Variants in PTPRZ1 observed in about 807,000 individuals in gnomAD.
PTPRZ1 encodes protein tyrosine phosphatase receptor type Z1.
In PTPRZ1, 82 loss-of-function variants were observed where a neutral mutation model predicts 214.1. The observed-to-expected ratio is 0.38, with a 90% CI of 0.32 to 0.46. PTPRZ1 has a LOEUF of 0.46. Ranked by LOEUF, PTPRZ1 falls within the 20% of genes least tolerant of loss-of-function variation. The pLI is 1.00. For missense variants in PTPRZ1, 2,603 were observed against 2,748.7 expected, an observed-to-expected ratio of 0.95 and a Z score of 1.19; for synonymous variants, 945 against 987.9, an observed-to-expected ratio of 0.96 and a Z score of 0.81.
intron 23 of PTPRZ1, among the ~76,000 whole-genome samples, chr7:122,046,153 G>A (rs926526140): frequency 6.6e-6 from 1 of 152,174 alleles, no homozygotes; most frequent in Admixed American, 6.5e-5. Context: ...ACACAAACAG[G>A]CCAGGTGCAG....
intron 3 of PTPRZ1, among the ~76,000 whole-genome samples, chr7:121,970,372 G>A (rs1337730355): frequency 7.2e-5 from 11 of 152,242 alleles, no homozygotes; most frequent in Non-Finnish European, 1.5e-4. Flanking sequence ...CTGAGGAATC[G>A]CCACACTGTC....
chr7:121,882,796 T>A (rs1168673745), intron 1 of PTPRZ1, among the ~76,000 whole-genome samples: 44 of 152,120 alleles, frequency 2.9e-4, no homozygotes, highest in South Asian at 2.1e-4. Flanking sequence ...TATAGATCAT[T>A]TGGGATATAA....
At chr7:121,882,202 A>C (rs1794262115) in intron 1 of PTPRZ1, among the ~76,000 whole-genome samples, 1 of 152,212 alleles carries the variant, frequency 6.6e-6, no homozygotes, top group South Asian at 2.1e-4. Flanking sequence ...CCTTGGGATA[A>C]ATATTCCTCC....
In PTPRZ1 at chr7:122,004,170, A is replaced by C. The variant is rs550452002; in HGVS notation, c.1241-444A>C. Reference sequence around the variant, plus strand: ...TTAAGGAAGAGGTTGCTAAATAAGAAAATAAATTCTACCAATTCTCCAGAA... The same window carrying C: ...TTAAGGAAGAGGTTGCTAAATAAGACAATAAATTCTACCAATTCTCCAGAA... On this transcript the variant is annotated intron_variant, in intron 10 of 29. Transcript: ENST00000393386. 1.4e-4 allele frequency among the ~76,000 whole-genome samples: 21 copies of C among 152,310 alleles called. No individual in the cohort carries two copies. The South Asian group carries it at 3.7e-3, about 27-fold the overall frequency.
chr7:122,030,493 G>A (rs193213494), intron 14 of PTPRZ1, among the ~76,000 whole-genome samples: 1 of 152,064 alleles, frequency 6.6e-6, no homozygotes, highest in Admixed American at 6.6e-5. Flanking sequence ...TAAGTGTGAA[G>A]GTAGAATTAC....
At chr7:121,895,629 C>T (rs560462478) in intron 1 of PTPRZ1, among the ~76,000 whole-genome samples, 45 of 152,132 alleles carry the variant, frequency 3.0e-4, no homozygotes, top group Non-Finnish European at 6.0e-4. Context: ...TCTAGTGTTA[C>T]ACACTAGAAA....
In PTPRZ1 at chr7:122,054,012, G is replaced by T. The variant is rs1792271227; in HGVS notation, c.6355G>T (p.Val2119Phe). The change falls in exon 26 of 30, where the codon GTT becomes TTT. Residue 2119 changes from valine to phenylalanine, a missense_variant. Val to Phe is a conservative substitution (Grantham distance 50). Around this residue, in one of 6 missense-constraint regions of PTPRZ1, gnomAD observed 134 missense variants for 183.3 expected, o/e 0.73. Coordinates refer to ENST00000393386, the MANE Select transcript of PTPRZ1 (RefSeq NM_002851.3). ...MIWDHNAQLV[V>F]MIPDGQNMAE... ...ATGGGACCATAATGCCCAACTGGTG[G>T]TTATGATTCCTGATGGCCAAAACAT... 3 of 1,613,126 alleles carry T rather than the reference G, an allele frequency of 1.9e-6. No homozygotes were observed. The highest frequency in any genetic ancestry group is 2.5e-6 in the Non-Finnish European group (3 of 1,179,320).
chr7:121,956,163 G>C lies in PTPRZ1; in HGVS notation c.125-11788G>C, dbSNP rs1277630279. Among the ~76,000 whole-genome samples, 5 of 152,062 alleles carry C rather than the reference G, an allele frequency of 3.3e-5. No homozygotes were observed. In the East Asian group the frequency reaches 7.8e-4, roughly 24 times the overall value. ...AGGACTGCAACTACCCGTCCTCTCT[G>C]CTTGTCCATCAGGAATATTGACTTT... On this transcript the variant is annotated intron_variant, in intron 2 of 29. Coordinates refer to ENST00000393386, the MANE Select transcript of PTPRZ1 (RefSeq NM_002851.3).
intron 23 of PTPRZ1, among the ~76,000 whole-genome samples, chr7:122,051,107 C>T (rs1009400640): frequency 5.9e-5 from 9 of 151,982 alleles, no homozygotes; most frequent in African/African-American, 1.9e-4. Flanking sequence ...TACCTCCAAA[C>T]GTCTGTGTGA....
intron 1 of PTPRZ1, among the ~76,000 whole-genome samples, chr7:121,879,025 C>G (rs939254245): frequency 6.6e-6 from 1 of 152,138 alleles, no homozygotes; most frequent in African/African-American, 2.4e-5. Flanking sequence ...TTCTGGTACG[C>G]GAACTTCACT....
At chr7:122,039,638 A>G in intron 20 of PTPRZ1, 50 bp downstream of exon 20, 2 of 1,592,254 alleles carry the variant, frequency 1.3e-6, no homozygotes, top group East Asian at 2.2e-5. Context: ...GCATTTGGTC[A>G]TTTTTTAAGT....
At chr7:121,957,318 A>G (rs1584681223) in intron 2 of PTPRZ1, among the ~76,000 whole-genome samples, 1 of 151,712 alleles carries the variant, frequency 6.6e-6, no homozygotes, top group Non-Finnish European at 1.5e-5. Context: ...TCTCTTGGGC[A>G]TGGTGGCGGC....
intron 15 of PTPRZ1, among the ~76,000 whole-genome samples, chr7:122,032,423 A>T (rs1221401875): frequency 6.6e-6 from 1 of 152,198 alleles, no homozygotes; most frequent in Admixed American, 6.6e-5. Flanking sequence ...TTAAAAACTC[A>T]TGTCCTTTCC....
chr7:121,946,371 G>A (rs1218492921), intron 2 of PTPRZ1, among the ~76,000 whole-genome samples: 1 of 152,080 alleles, frequency 6.6e-6, no homozygotes, highest in Non-Finnish European at 1.5e-5. Flanking sequence ...AAGTCAGAGA[G>A]GGAATTCAAA....
intron 1 of PTPRZ1, chr7:121,908,358 CCTTTGGAAA>C: frequency 4.8e-6 from 1 of 209,042 alleles, no homozygotes; most frequent in South Asian, 5.6e-5. Flanking sequence ...TAGATCAATC[CCTTTGGAAA>C]AGAATATCAA....
intron 23 of PTPRZ1, among the ~76,000 whole-genome samples, chr7:122,046,615 A>G (rs1043002648): frequency 3.3e-5 from 5 of 152,118 alleles, no homozygotes; most frequent in Admixed American, 3.3e-4. Context: ...CACAAGCATA[A>G]CTACTCAGAT....
At chr7:121,998,742 G>C (rs1212943348) in intron 10 of PTPRZ1, among the ~76,000 whole-genome samples, 2 of 152,002 alleles carry the variant, frequency 1.3e-5, no homozygotes, top group Non-Finnish European at 2.9e-5. Flanking sequence ...TAATAGAATA[G>C]ACGTGCATAT....
Position 122,013,830 on chromosome 7 carries a change from A to G in PTPRZ1, c.4784A>G (p.Gln1595Arg), listed in dbSNP as rs142013676. The G allele has an allele frequency of 1.2e-6, 2 of 1,613,948 alleles. No homozygotes were observed. The highest frequency in any genetic ancestry group is 2.7e-5 in the African/African-American group (2 of 74,932). Reference sequence around the variant, plus strand: ...TCAGAAATAACTCCTGGATTCCCACAGTCCCCAACATCATCTGTTACTAGC... The same window carrying G: ...TCAGAAATAACTCCTGGATTCCCACGGTCCCCAACATCATCTGTTACTAGC... ...GDSEITPGFP[Q>R]SPTSSVTSEN... Residue 1595 changes from glutamine (Q) to arginine (R), a missense_variant, in exon 12 of 30, where the codon CAG (glutamine) becomes CGG (arginine). Physicochemically the swap from Gln to Arg is conservative, Grantham distance 43. Coordinates refer to ENST00000393386, the MANE Select transcript of PTPRZ1 (RefSeq NM_002851.3).
At chr7:122,059,466 A>T in intron 28 of PTPRZ1, 1 of 210,462 alleles carries the variant, frequency 4.8e-6, no homozygotes, top group East Asian at 8.4e-5. Context: ...TTTATATGAT[A>T]CTCTCAGGTT....
Sources: allele counts gnomAD v4.1 joint callset (sites outside exome capture counted in the v4.1 genomes callset), GRCh38; gene constraint gnomAD v4.1.1; regional missense constraint gnomAD v4.1.1; transcripts MANE v1.5; gene names NCBI Gene and HGNC (gene_info 2026-07-23, HGNC 2026-07-21).